ROBO1: variants seen among roughly 807,000 people sequenced by gnomAD.
ROBO1 encodes roundabout homolog 1.
A neutral mutation model predicts 195.9 loss-of-function variants in ROBO1; 149 were observed. The ratio of observed to expected loss-of-function variants is 0.76; its 90% confidence interval spans 0.67 to 0.87. The LOEUF is 0.87. Among genes scored for constraint, ROBO1 ranks in the 40% least tolerant of loss-of-function variants. The pLI, the probability that ROBO1 is intolerant of heterozygous loss-of-function variation, is 0.00. For synonymous variants in ROBO1, 816 were observed against 733.2 expected (o/e 1.11, Z -1.82); for missense variants, 1,933 against 2,068.3 (o/e 0.93, Z 1.27).
At chr3:79,077,264 G>C (rs115163191) in intron 3 of ROBO1, among the ~76,000 whole-genome samples, 100 of 151,928 alleles carry the variant, frequency 6.6e-4, no homozygotes, top group African/African-American at 2.4e-3. Flanking sequence ...AATATTTTTA[G>C]TGTTCTTCCT....
At chr3:79,457,394 T>TGC (rs1559913112) in intron 2 of ROBO1, among the ~76,000 whole-genome samples, 2 of 149,946 alleles carry the variant, frequency 1.3e-5, no homozygotes, top group African/African-American at 5.0e-5. Flanking sequence ...TGTGTGTGTG[T>TGC]GCGTGTGTGT....
intron 3 of ROBO1, among the ~76,000 whole-genome samples, chr3:79,041,366 C>A (rs2078484550): frequency 6.6e-6 from 1 of 152,046 alleles, no homozygotes. Flanking sequence ...ATTTCTCTTC[C>A]ACTTCCTCAA....
At chr3:79,281,278 T>A (rs2109001921) in intron 2 of ROBO1, among the ~76,000 whole-genome samples, 1 of 152,060 alleles carries the variant, frequency 6.6e-6, no homozygotes, top group African/African-American at 2.4e-5. Context: ...TGTTAAAATG[T>A]TTTTCTCCAT....
rs4130219 is a variant in ROBO1 at position 79,601,061 on chromosome 3, A to G, written c.-50-11100T>C. On this transcript the variant is annotated intron_variant, in intron 1 of 30. Coordinates refer to ENST00000464233, the MANE Select transcript of ROBO1 (RefSeq NM_002941.4). ...TATAAACAGAGTGCTGTATTATCAG[A>G]TCAAAGAGAGAACGAAGTAATCAGG... 2.7e-4 allele frequency among the ~76,000 whole-genome samples: 41 copies of G among 152,066 alleles called. 1 individual carries two copies. The East Asian group carries it at 7.6e-3, about 28-fold the overall frequency.
rs183501734 is a variant in ROBO1 at position 79,214,723 on chromosome 3, A to G, written c.89-89184T>C. ...GTTTCTGTTAGTAATTGCTATATAT[A>G]TATATTTGCTATATATATATATAGC... On this transcript the variant is annotated intron_variant, in intron 2 of 30. Transcript: ENST00000464233. 1.4e-3 allele frequency among the ~76,000 whole-genome samples: 207 copies of G among 148,870 alleles called. 1 individual carries two copies. Among genetic ancestry groups the G allele is most frequent in the African/African-American group, 4.8e-3 (196 of 40,882 alleles).
At chr3:78,897,139 C>T (rs991106714) in intron 4 of ROBO1, among the ~76,000 whole-genome samples, 18 of 152,202 alleles carry the variant, frequency 1.2e-4, no homozygotes, top group African/African-American at 3.6e-4. Context: ...ATCTCACCCT[C>T]CTTATTCTGT....
chr3:79,715,030 A>T (rs1331508177), intron 1 of ROBO1, among the ~76,000 whole-genome samples: 1 of 152,056 alleles, frequency 6.6e-6, no homozygotes, highest in Non-Finnish European at 1.5e-5. Flanking sequence ...AGTGGAATCT[A>T]AAGATGTGTT....
chr3:79,042,413 C>A (rs967878148), intron 3 of ROBO1, among the ~76,000 whole-genome samples: 5 of 152,038 alleles, frequency 3.3e-5, no homozygotes, highest in African/African-American at 1.2e-4. Context: ...ATTCCGATGG[C>A]GGTCGCACAG....
Position 78,944,494 on chromosome 3 carries a change from A to C in ROBO1, c.173-5567T>G, listed in dbSNP as rs533586510. On this transcript the variant is annotated intron_variant, in intron 3 of 30. Coordinates refer to ENST00000464233, the MANE Select transcript of ROBO1 (RefSeq NM_002941.4). ...GATTTCAGCCTCCAGAACAGATTAA[A>C]GAGTTCTTTGGGGATAGAAGAAAAT... Among the ~76,000 whole-genome samples, 17 of 152,330 alleles carry C rather than the reference A, an allele frequency of 1.1e-4. No homozygotes were observed. In the South Asian group the frequency reaches 1.7e-3, roughly 15 times the overall value.
intron 1 of ROBO1, among the ~76,000 whole-genome samples, chr3:79,593,912 T>G (rs545028554): frequency 6.6e-5 from 10 of 152,018 alleles, no homozygotes; most frequent in South Asian, 2.1e-4. Context: ...CCACTGCACC[T>G]GGCCTTTTGT....
chr3:78,631,935 G>A (rs952421678), intron 24 of ROBO1, among the ~76,000 whole-genome samples: 3 of 152,106 alleles, frequency 2.0e-5, no homozygotes, highest in African/African-American at 7.2e-5. Context: ...GATGTTGCTT[G>A]AACATTCTTA....
At chr3:78,891,417 A>G (rs150292167) in intron 4 of ROBO1, among the ~76,000 whole-genome samples, 1 of 152,344 alleles carries the variant, frequency 6.6e-6, no homozygotes, top group Non-Finnish European at 1.5e-5. Flanking sequence ...GAGATATCTC[A>G]TATCCACTCA....
intron 4 of ROBO1, among the ~76,000 whole-genome samples, chr3:78,822,880 T>C (rs2031152923): frequency 6.6e-6 from 1 of 152,254 alleles, no homozygotes. Flanking sequence ...CATATTTATC[T>C]GGCCTTTCCC....
intron 1 of ROBO1, among the ~76,000 whole-genome samples, chr3:79,689,029 T>C (rs1947222383): frequency 6.6e-6 from 1 of 152,036 alleles, no homozygotes; most frequent in Non-Finnish European, 1.5e-5. Context: ...TTTAACATTG[T>C]CAAGTTTCAA....
chr3:78,919,844 T>C (rs2038839185), intron 4 of ROBO1, among the ~76,000 whole-genome samples: 1 of 152,214 alleles, frequency 6.6e-6, no homozygotes, highest in African/African-American at 2.4e-5. Context: ...GAGGAATCCA[T>C]TTTTTAGTAT....
chr3:79,057,726 C>A (rs1015432349), intron 3 of ROBO1, among the ~76,000 whole-genome samples: 1 of 152,006 alleles, frequency 6.6e-6, no homozygotes, highest in Non-Finnish European at 1.5e-5. Context: ...TTTCCTCTCA[C>A]ACTGATTTAC....
chr3:79,403,771 T>A (rs755869619), intron 2 of ROBO1, among the ~76,000 whole-genome samples: 2 of 151,666 alleles, frequency 1.3e-5, no homozygotes, highest in Admixed American at 6.6e-5. Flanking sequence ...AGAAAAAAAA[T>A]GATGTAGACT....
chr3:79,722,866 GA>G (rs1397616375), intron 1 of ROBO1, among the ~76,000 whole-genome samples: 2 of 152,078 alleles, frequency 1.3e-5, no homozygotes, highest in Non-Finnish European at 2.9e-5. Flanking sequence ...GATCACCATG[GA>G]TGCCAGGCAG....
intron 3 of ROBO1, among the ~76,000 whole-genome samples, chr3:79,077,328 T>C (rs545770891): frequency 1.3e-5 from 2 of 151,784 alleles, no homozygotes; most frequent in Non-Finnish European, 2.9e-5. Context: ...CAAAATAAAA[T>C]TGAAAATGTG....
Sources: gnomAD v4.1 joint callset for allele counts (sites outside exome capture counted in the v4.1 genomes callset) on GRCh38, gnomAD v4.1.1 for gene constraint, MANE v1.5 for transcripts, NCBI Gene and HGNC (gene_info 2026-07-23, HGNC 2026-07-21) for gene names.